RAB38: variants seen among roughly 807,000 people sequenced by gnomAD.
RAB38 encodes the protein RAB38, member RAS oncogene family.
RAB38 carries 15 observed loss-of-function variants against 18.4 expected under a neutral mutation model. That is an observed-to-expected ratio of 0.82 (90% CI 0.55 to 1.26). The LOEUF (loss-of-function observed/expected upper bound fraction) is 1.26. Among genes scored for constraint, RAB38 ranks in the 50% most tolerant of loss-of-function variants. The pLI, the probability that RAB38 is intolerant of heterozygous loss-of-function variation, is 0.00. For synonymous variants in RAB38, 101 were observed against 104.4 expected (o/e 0.97, Z 0.20); for missense variants, 294 against 267.4 (o/e 1.10, Z -0.69).
the RAB38 span, among the ~76,000 whole-genome samples, chr11:87,971,492 A>G: frequency 6.6e-6 from 1 of 152,152 alleles, no homozygotes; most frequent in East Asian, 1.9e-4. Context: ...CAGAATGTAC[A>G]GGGAAAATGA....
At chr11:87,821,457 A>G in the RAB38 span, among the ~76,000 whole-genome samples, 3 of 152,242 alleles carry the variant, frequency 2.0e-5, no homozygotes, top group Non-Finnish European at 4.4e-5. Context: ...ATTCTTAAGG[A>G]TATTTTTAAG....
the RAB38 span, among the ~76,000 whole-genome samples, chr11:87,805,368 C>A: frequency 1.3e-5 from 2 of 151,692 alleles, no homozygotes; most frequent in African/African-American, 4.8e-5. Context: ...TTCTCTTTAT[C>A]ATTTTCATGT....
At chr11:88,102,670 T>G in the RAB38 span, among the ~76,000 whole-genome samples, 1 of 152,064 alleles carries the variant, frequency 6.6e-6, no homozygotes, top group Non-Finnish European at 1.5e-5. Context: ...AGGAGATTGC[T>G]CAAGAAAGCA....
intron 2 of RAB38, among the ~76,000 whole-genome samples, chr11:88,137,729 G>A (rs1035651354): frequency 2.6e-4 from 40 of 152,122 alleles, no homozygotes; most frequent in African/African-American, 9.4e-4. Flanking sequence ...AATGAACAAA[G>A]GTTTATATAA....
At chr11:87,888,123 C>T in the RAB38 span, among the ~76,000 whole-genome samples, 1 of 151,976 alleles carries the variant, frequency 6.6e-6, no homozygotes, top group Middle Eastern at 3.4e-3. Flanking sequence ...TACTAGGACA[C>T]ATAATCCTCT....
chr11:87,925,659 C>CA, the RAB38 span, among the ~76,000 whole-genome samples: 2 of 151,994 alleles, frequency 1.3e-5, no homozygotes, highest in Non-Finnish European at 2.9e-5. Context: ...GATCATTTTA[C>CA]AAGTCCCAAG....
At chr11:87,828,949 A>G in the RAB38 span, among the ~76,000 whole-genome samples, 1 of 152,228 alleles carries the variant, frequency 6.6e-6, no homozygotes, top group East Asian at 1.9e-4. Context: ...CAAACTCTAT[A>G]ACAATCTTTA....
the RAB38 span, among the ~76,000 whole-genome samples, chr11:88,008,613 C>G: frequency 6.6e-6 from 1 of 152,190 alleles, no homozygotes; most frequent in East Asian, 1.9e-4. Context: ...CTAATATACT[C>G]TCCAGAAAGA....
the RAB38 span, among the ~76,000 whole-genome samples, chr11:87,875,791 A>G: frequency 2.0e-5 from 3 of 151,566 alleles, no homozygotes; most frequent in African/African-American, 7.3e-5. Flanking sequence ...ATAGTAGTAC[A>G]GTACAGTTGA....
chr11:87,822,257 A>G, the RAB38 span, among the ~76,000 whole-genome samples: 1 of 152,214 alleles, frequency 6.6e-6, no homozygotes, highest in East Asian at 1.9e-4. Context: ...TAATTTAACA[A>G]AATATTACAG....
chr11:88,018,102 A>C, the RAB38 span, among the ~76,000 whole-genome samples: 1 of 152,162 alleles, frequency 6.6e-6, no homozygotes, highest in East Asian at 1.9e-4. Flanking sequence ...TCTTTTGTAA[A>C]TTGCCTAGTC....
intron 2 of RAB38, among the ~76,000 whole-genome samples, chr11:88,134,162 A>G (rs528165990): frequency 2.6e-5 from 4 of 151,980 alleles, no homozygotes; most frequent in Non-Finnish European, 5.9e-5. Flanking sequence ...TTTAACATAC[A>G]AAAAAAAGAA....
At chr11:88,057,741 T>C in the RAB38 span, among the ~76,000 whole-genome samples, 1 of 152,174 alleles carries the variant, frequency 6.6e-6, no homozygotes, top group Non-Finnish European at 1.5e-5. Flanking sequence ...GTTTCCTCCA[T>C]TAAGCTACAA....
chr11:87,819,724 GTATATATA>G, the RAB38 span, among the ~76,000 whole-genome samples: 19 of 3,938 alleles, frequency 4.8e-3, no homozygotes, highest in African/African-American at 0.019. Context: ...ATACGTGTAT[GTATATATA>G]TGTGTATATA....
chr11:88,140,435 A>G (rs550437109), intron 2 of RAB38, among the ~76,000 whole-genome samples: 18 of 152,356 alleles, frequency 1.2e-4, no homozygotes, highest in African/African-American at 3.8e-4. Flanking sequence ...CAGTGCATCA[A>G]AATATTCTTT....
the RAB38 span, among the ~76,000 whole-genome samples, chr11:87,872,092 A>G: frequency 2.0e-5 from 3 of 151,696 alleles, no homozygotes; most frequent in African/African-American, 7.2e-5. Context: ...ATTTCTACCA[A>G]CAGTATCTGA....
intron 1 of RAB38, among the ~76,000 whole-genome samples, chr11:88,159,527 G>C (rs930735058): frequency 1.3e-5 from 2 of 151,692 alleles, no homozygotes; most frequent in African/African-American, 4.8e-5. Flanking sequence ...AATAGCCAAA[G>C]TAATACTAAG....
the RAB38 span, among the ~76,000 whole-genome samples, chr11:88,032,075 G>A: frequency 5.1e-3 from 763 of 150,536 alleles, 3 homozygotes; most frequent in Middle Eastern, 0.01. Context: ...AAATAATGCC[G>A]CATATCTACA....
the RAB38 span, among the ~76,000 whole-genome samples, chr11:88,097,044 G>GA: frequency 6.6e-6 from 1 of 151,160 alleles, no homozygotes; most frequent in Non-Finnish European, 1.5e-5. Flanking sequence ...AATTATACAA[G>GA]AAAAAAAAGA....
Sources: allele counts gnomAD v4.1 joint callset (sites outside exome capture counted in the v4.1 genomes callset), GRCh38; gene constraint gnomAD v4.1.1; transcripts MANE v1.5; gene names NCBI Gene and HGNC (gene_info 2026-07-23, HGNC 2026-07-21).